Variants in SEMA3D observed in about 807,000 individuals in gnomAD.
SEMA3D encodes semaphorin 3D, also known as semaphorin-3D.
SEMA3D carries 84 observed loss-of-function variants against 100.1 expected under a neutral mutation model. The ratio of observed to expected loss-of-function variants is 0.84; its 90% confidence interval spans 0.70 to 1.01. The LOEUF is 1.01. Among genes scored for constraint, SEMA3D ranks in the 50% least tolerant of loss-of-function variants. The probability of loss-of-function intolerance (pLI) is 0.00; values close to 1 mark genes in which losing one functional copy is unlikely to be tolerated. For synonymous variants in SEMA3D, 312 were observed against 320.7 expected, an observed-to-expected ratio of 0.97 and a Z score of 0.29; for missense variants, 875 against 934.1, an observed-to-expected ratio of 0.94 and a Z score of 0.82.
At chr7:85,215,424 G>A in the SEMA3D span, among the ~76,000 whole-genome samples, 6 of 151,936 alleles carry the variant, frequency 3.9e-5, no homozygotes, top group Admixed American at 2.0e-4. Context: ...TTGAATTCTC[G>A]GCCAATTTAT....
At chr7:85,173,801 T>C (rs975901290) in intron 1 of SEMA3D, among the ~76,000 whole-genome samples, 3 of 152,146 alleles carry the variant, frequency 2.0e-5, no homozygotes, top group Non-Finnish European at 4.4e-5. Context: ...GTAACTTGCC[T>C]GAATCACACA....
the SEMA3D span, among the ~76,000 whole-genome samples, chr7:85,212,202 CT>C: frequency 1.4e-5 from 2 of 142,290 alleles, no homozygotes; most frequent in East Asian, 4.2e-4. Context: ...CTGTGTTTCT[CT>C]GTTCAGAAAA....
At chr7:85,132,568 A>G (rs1281484444) in intron 2 of SEMA3D, among the ~76,000 whole-genome samples, 1 of 151,940 alleles carries the variant, frequency 6.6e-6, no homozygotes, top group Non-Finnish European at 1.5e-5. Context: ...GACTATTAAA[A>G]GAACATATTA....
At chr7:85,151,329 A>G (rs1790378333) in intron 2 of SEMA3D, among the ~76,000 whole-genome samples, 2 of 152,048 alleles carry the variant, frequency 1.3e-5, no homozygotes, top group African/African-American at 4.8e-5. Context: ...GAAATCTTCA[A>G]AATAAACCAG....
At chr7:85,113,170 A>G (rs952141306) in intron 3 of SEMA3D, among the ~76,000 whole-genome samples, 1 of 152,208 alleles carries the variant, frequency 6.6e-6, no homozygotes, top group Non-Finnish European at 1.5e-5. Flanking sequence ...CGTAAACTGT[A>G]GAAGTCACTA....
At chr7:85,103,235 C>A (rs1417826622) in intron 3 of SEMA3D, among the ~76,000 whole-genome samples, 1 of 151,944 alleles carries the variant, frequency 6.6e-6, no homozygotes, top group Non-Finnish European at 1.5e-5. Flanking sequence ...GAGCCTGTAT[C>A]TTAACACGTA....
chr7:85,053,526 G>C (rs971831015), intron 9 of SEMA3D, among the ~76,000 whole-genome samples: 1 of 151,818 alleles, frequency 6.6e-6, no homozygotes, highest in Non-Finnish European at 1.5e-5. Context: ...TGTTTTGTAG[G>C]CCATCTTGTC....
intron 2 of SEMA3D, chr7:85,141,518 T>C: frequency 4.1e-6 from 4 of 984,918 alleles, no homozygotes; most frequent in Non-Finnish European, 4.8e-6. Context: ...ATCACTGCCC[T>C]ACATGAATGA....
In SEMA3D at chr7:85,138,576, C is replaced by A. The variant is rs547112761; in HGVS notation, c.-41+15032G>T. Among the ~76,000 whole-genome samples, 4 of 148,362 alleles carry A rather than the reference C, an allele frequency of 2.7e-5. No homozygotes were observed. In the Admixed American group the frequency reaches 2.7e-4, roughly 10 times the overall value. Reference sequence around the variant, plus strand: ...TGTGTATTAACATGAATACCTTTCACCCCTTTCTTTCCATTTTGTGCCTCC... The same window carrying A: ...TGTGTATTAACATGAATACCTTTCAACCCTTTCTTTCCATTTTGTGCCTCC... On this transcript the variant is annotated intron_variant, in intron 2 of 18. Transcript: ENST00000284136.
chr7:85,098,106 A>G, intron 3 of SEMA3D, 141 bp from the exon 4 acceptor site: 1 of 573,808 alleles, frequency 1.7e-6, no homozygotes. Context: ...AAAGAAAGAA[A>G]GAGAAAGAAA....
At chr7:85,078,831 A>G (rs1292180391) in intron 5 of SEMA3D, among the ~76,000 whole-genome samples, 1 of 152,182 alleles carries the variant, frequency 6.6e-6, no homozygotes, top group Non-Finnish European at 1.5e-5. Flanking sequence ...ACTCTTGGGA[A>G]GTAGGTAAAA....
intron 4 of SEMA3D, among the ~76,000 whole-genome samples, chr7:85,091,883 AG>A (rs1788404920): frequency 6.6e-6 from 1 of 152,016 alleles, no homozygotes; most frequent in African/African-American, 2.4e-5. Context: ...CTGACTCAGG[AG>A]ATAGAGTAGG....
the SEMA3D span, among the ~76,000 whole-genome samples, chr7:85,243,753 A>G: frequency 6.3e-4 from 96 of 152,336 alleles, 1 homozygote; most frequent in African/African-American, 2.3e-3. Context: ...TTTGACTTGC[A>G]GTTCTTTTCA....
intron 13 of SEMA3D, among the ~76,000 whole-genome samples, chr7:85,021,520 G>A (rs549015650): frequency 6.1e-4 from 93 of 151,802 alleles, no homozygotes; most frequent in African/African-American, 2.0e-3. Context: ...CTCTGATTCC[G>A]TCACACACAT....
At chr7:85,248,160 G>A in the SEMA3D span, among the ~76,000 whole-genome samples, 4 of 151,948 alleles carry the variant, frequency 2.6e-5, no homozygotes, top group Non-Finnish European at 5.9e-5. Flanking sequence ...AAAAAAAGGG[G>A]CCAAGAACTG....
Position 85,036,983 on chromosome 7 carries a change from C to G in SEMA3D, c.1097G>C (p.Arg366Thr). The G allele has an allele frequency of 6.2e-7, 1 of 1,613,414 alleles. No individual in the cohort carries two copies. The highest frequency in any genetic ancestry group is 8.5e-7 in the Non-Finnish European group (1 of 1,179,616). The change falls in exon 12 of 19, where the codon AGA becomes ACA. Residue 366 changes from arginine (R) to threonine (T), a missense_variant. Arg to Thr is a moderately conservative substitution (Grantham distance 71). Coordinates refer to ENST00000284136, the MANE Select transcript of SEMA3D (RefSeq NM_001384900.1). ...AGCATATGGACCATTAAAAACTGCT[C>G]TGATGTCAGCCATGCTATACACACA... ...AVCVYSMADI[R>T]AVFNGPYAHK...
At chr7:85,135,327 C>G (rs1280062464) in intron 2 of SEMA3D, among the ~76,000 whole-genome samples, 3 of 152,052 alleles carry the variant, frequency 2.0e-5, no homozygotes, top group Admixed American at 2.0e-4. Flanking sequence ...TTTCCCTCAA[C>G]TGGTTATGGT....
rs1293162584 is a variant in SEMA3D at position 85,019,979 on chromosome 7, T to G, written c.1503+254A>C. Among the ~76,000 whole-genome samples, 3 of 151,654 alleles carry G rather than the reference T, an allele frequency of 2.0e-5. No individual in the cohort carries two copies. In the East Asian group the frequency reaches 5.9e-4, roughly 30 times the overall value. ...CATTTAATGTGGCAATTTGTCTGACTATATGCTTAGAGAATGCAGTAATGA... is the reference window on the plus strand; with the variant it reads ...CATTTAATGTGGCAATTTGTCTGACGATATGCTTAGAGAATGCAGTAATGA... On this transcript the variant is annotated intron_variant, in intron 14 of 18. Transcript: ENST00000284136.
rs756013265 is a variant in SEMA3D, at chr7:84,995,583, A to G, written c.*3857T>C. 1.3e-5 allele frequency: 2 copies of G among 152,094 alleles called. No homozygotes were observed. The highest frequency in any genetic ancestry group is 2.9e-5 in the Non-Finnish European group (2 of 67,930). The allele number at this position is 152,094 out of a possible 1,614,324, so 9.4% of individuals were successfully genotyped here. A position where few individuals can be genotyped will look rare whatever the true frequency, so the allele number is the denominator to read the frequency against. ...ATAATCATAGAACAGTCATGTTTGC[A>G]TTTTATTATAATACAACCAAAATAT... On this transcript the variant is annotated 3_prime_UTR_variant, in exon 19 of 19. Coordinates refer to ENST00000284136, the MANE Select transcript of SEMA3D (RefSeq NM_001384900.1).
Sources: gnomAD v4.1 joint callset for allele counts (sites outside exome capture counted in the v4.1 genomes callset) on GRCh38, gnomAD v4.1.1 for gene constraint, MANE v1.5 for transcripts, NCBI Gene and HGNC (gene_info 2026-07-23, HGNC 2026-07-21) for gene names.